The following TMEM232 variants were observed in gnomAD, a reference collection of about 807,000 sequenced individuals.
TMEM232 encodes the protein transmembrane protein 232.
In TMEM232, 80 loss-of-function variants were observed where a neutral mutation model predicts 78.8. The observed-to-expected ratio is 1.01, with a 90% confidence interval of 0.85 to 1.22. The LOEUF is 1.22. Among genes scored for constraint, TMEM232 ranks in the 50% most tolerant of loss-of-function variants. The pLI, the probability that TMEM232 is intolerant of heterozygous loss-of-function variation, is 0.00. For synonymous variants in TMEM232, 297 were observed against 254.3 expected, an observed-to-expected ratio of 1.17 and a Z score of -1.60; for missense variants, 881 against 742.2, an observed-to-expected ratio of 1.19 and a Z score of -2.17.
At chr5:110,720,614 G>GGATTTTTTT (rs1388116760) in intron 1 of TMEM232, 2 of 152,098 alleles carry the variant, frequency 1.3e-5, no homozygotes, top group African/African-American at 4.8e-5. Context: ...TTATTTTGAT[G>GGATTTTTTT]CCAGCCTTCA....
At chr5:110,400,366 CAT>C (rs1404868644) in intron 2 of TMEM232, among the ~76,000 whole-genome samples, 1 of 152,096 alleles carries the variant, frequency 6.6e-6, no homozygotes, top group African/African-American at 2.4e-5. Flanking sequence ...ATTTAAATAA[CAT>C]AATGAAGAAA....
chr5:110,518,402 A>G (rs1400802260), intron 12 of TMEM232, among the ~76,000 whole-genome samples: 2 of 152,166 alleles, frequency 1.3e-5, no homozygotes, highest in Non-Finnish European at 2.9e-5. Flanking sequence ...TTCGGAATAC[A>G]CAGAATGCAT....
intron 2 of TMEM232, among the ~76,000 whole-genome samples, chr5:110,659,121 G>A (rs1178991109): frequency 6.6e-6 from 1 of 152,120 alleles, no homozygotes; most frequent in Non-Finnish European, 1.5e-5. Flanking sequence ...AGTTCAAGTA[G>A]AGATACAGGT....
chr5:110,735,081 T>C (rs926138948), intron 1 of TMEM232: 4 of 152,320 alleles, frequency 2.6e-5, no homozygotes, highest in South Asian at 4.1e-4. Flanking sequence ...GGTTTACACA[T>C]AGTAGGTGCT....
intron 1 of TMEM232, among the ~76,000 whole-genome samples, chr5:110,703,258 C>A (rs1330255078): frequency 1.3e-5 from 2 of 151,086 alleles, no homozygotes; most frequent in Non-Finnish European, 3.0e-5. Flanking sequence ...TACCTCCCAA[C>A]AAAAGCCCCC....
rs1461325826 is a variant in TMEM232 at position 110,667,293 on chromosome 5, A to C, written c.60T>G (p.Pro20=). ...MINTCGGISS[P]YHEELWKLNF... ...TTAATTTCCAGAGCTCTTCATGATA[A>C]GGGGAAGATATGCCTCCACATGTAT... Residue 20 remains proline (P), a synonymous_variant, in exon 2 of 14, where the codon CCT becomes CCG. Coordinates refer to ENST00000455884, the MANE Select transcript of TMEM232 (RefSeq NM_001039763.4). 7 of 1,544,696 alleles carry C rather than the reference A, an allele frequency of 4.5e-6. No homozygotes were observed. The highest frequency in any genetic ancestry group is 4.4e-6 in the Non-Finnish European group (5 of 1,142,172).
intron 12 of TMEM232, among the ~76,000 whole-genome samples, chr5:110,473,927 A>G (rs1474773093): frequency 1.4e-5 from 2 of 146,454 alleles, no homozygotes; most frequent in African/African-American, 2.5e-5. Context: ...AACCCGCAAA[A>G]TAACTTACTC....
intron 12 of TMEM232, among the ~76,000 whole-genome samples, chr5:110,520,910 C>T (rs967690589): frequency 6.6e-6 from 1 of 150,552 alleles, no homozygotes; most frequent in Non-Finnish European, 1.5e-5. Context: ...AAGTGCAAAA[C>T]TCCATTTCAA....
intron 1 of TMEM232, among the ~76,000 whole-genome samples, chr5:110,713,771 C>G (rs1796738280): frequency 6.6e-6 from 1 of 152,134 alleles, no homozygotes; most frequent in Admixed American, 6.6e-5. Context: ...TAGGGAGATG[C>G]AGCCTTCTGT....
At chr5:110,657,223 T>G (rs1028080540) in intron 2 of TMEM232, among the ~76,000 whole-genome samples, 2 of 152,218 alleles carry the variant, frequency 1.3e-5, no homozygotes, top group East Asian at 3.9e-4. Context: ...AGAACTGCCA[T>G]ATAATCCAGC....
intron 1 of TMEM232, among the ~76,000 whole-genome samples, chr5:110,680,434 G>A (rs912167269): frequency 7.0e-6 from 1 of 142,458 alleles, no homozygotes; most frequent in Non-Finnish European, 1.5e-5. Flanking sequence ...AACCTAAGTA[G>A]CTTAAAGTCA....
chr5:110,680,396 C>CAAA (rs1189611727), intron 1 of TMEM232, among the ~76,000 whole-genome samples: 64 of 24,612 alleles, frequency 2.6e-3, no homozygotes, highest in African/African-American at 3.6e-3. Flanking sequence ...GACTCTATCT[C>CAAA]AAAAAAAAAA....
chr5:110,441,610 G>T (rs1759051915), intron 12 of TMEM232, among the ~76,000 whole-genome samples: 1 of 152,098 alleles, frequency 6.6e-6, no homozygotes, highest in South Asian at 2.1e-4. Flanking sequence ...CAAAGATGAT[G>T]ATATAGCGTT....
chr5:110,675,690 T>A (rs1017974715), intron 1 of TMEM232, among the ~76,000 whole-genome samples: 1 of 152,236 alleles, frequency 6.6e-6, no homozygotes, highest in Non-Finnish European at 1.5e-5. Context: ...TTATGTTGTA[T>A]AATGTGATGT....
chr5:110,539,474 G>A (rs1468061751), intron 11 of TMEM232, among the ~76,000 whole-genome samples: 2 of 152,160 alleles, frequency 1.3e-5, no homozygotes, highest in Non-Finnish European at 2.9e-5. Flanking sequence ...GGTGCCAAAA[G>A]GTTCTCAGTT....
chr5:110,435,802 T>A (rs547055812), intron 12 of TMEM232, among the ~76,000 whole-genome samples: 1 of 152,108 alleles, frequency 6.6e-6, no homozygotes, highest in East Asian at 1.9e-4. Flanking sequence ...TTCTTTCTTA[T>A]GGCTGAATAG....
In TMEM232 at chr5:110,443,184, C is replaced by T. The variant is rs187879125; in HGVS notation, c.1704-18268G>A. Reference sequence around the variant, plus strand: ...TCCCTTCAGGACATTGTGCTCCCCCCGCTCCTGGGAAGGTCCAGAGATGCT... The same window carrying T: ...TCCCTTCAGGACATTGTGCTCCCCCTGCTCCTGGGAAGGTCCAGAGATGCT... On this transcript the variant is annotated intron_variant, in intron 12 of 13. Transcript: ENST00000455884. Among the ~76,000 whole-genome samples the T allele has an allele frequency of 3.3e-5, 5 of 152,264 alleles. No homozygotes were observed. The East Asian group carries it at 5.8e-4, about 18-fold the overall frequency.
At position 110,672,299 on chromosome 5, in the gene TMEM232, G is replaced by A. The variant is rs186693592; in HGVS notation, c.-12-4935C>T. On this transcript the variant is annotated intron_variant, in intron 1 of 13. Transcript: ENST00000455884. ...TTTGCACTTTCTTCTCAACATGCAA[G>A]TTCCACAATGCCCTGTTAAAGAAAC... is the stretch of plus-strand genomic sequence containing the variant. 1.4e-4 allele frequency among the ~76,000 whole-genome samples: 21 copies of A among 152,252 alleles called. No individual in the cohort carries two copies. In the East Asian group the frequency reaches 4.0e-3, roughly 29 times the overall value.
At chr5:110,712,597 A>G (rs1256514311) in intron 1 of TMEM232, among the ~76,000 whole-genome samples, 1 of 152,152 alleles carries the variant, frequency 6.6e-6, no homozygotes, top group Admixed American at 6.5e-5. Context: ...AAAGTCCCTG[A>G]CCACCGATCA....
Sources: allele counts gnomAD v4.1 joint callset (sites outside exome capture counted in the v4.1 genomes callset), GRCh38; gene constraint gnomAD v4.1.1; transcripts MANE v1.5; gene names NCBI Gene and HGNC (gene_info 2026-07-23, HGNC 2026-07-21).